The following ZFP64 variants were observed in gnomAD, a reference collection of about 807,000 sequenced individuals.
ZFP64 encodes the protein zinc finger protein 64.
Under a neutral mutation model 51.6 loss-of-function variants are expected in ZFP64, and 14 were observed. That is an observed-to-expected ratio of 0.27 (90% confidence interval 0.18 to 0.42). The LOEUF (loss-of-function observed/expected upper bound fraction) is 0.42. ZFP64 is among the 10% of genes least tolerant of loss of function. The pLI, the probability that ZFP64 is intolerant of heterozygous loss-of-function variation, is 1.00. For synonymous variants in ZFP64, 375 were observed against 361.4 expected, an observed-to-expected ratio of 1.04 and a Z score of -0.43; for missense variants, 754 against 906.8, an observed-to-expected ratio of 0.83 and a Z score of 2.16.
rs1024764036 is a variant in ZFP64 at position 52,142,956 on chromosome 20, T to C, written c.763+17167A>G. ...CCCCAACCTTCAGCAACCACAACCC[T>C]GATAAGTCAGCAGCCATCAGCATTG... On this transcript the variant is annotated intron_variant, in intron 5 of 8. Transcript: ENST00000361387. 1.4e-5 allele frequency among the ~76,000 whole-genome samples: 2 copies of C among 141,926 alleles called. 1 individual carries two copies. Among genetic ancestry groups the C allele is most frequent in the Admixed American group, 1.5e-4 (2 of 13,676 alleles). The allele number at this position is 141,926 out of a possible 152,430, so 93.1% of individuals were successfully genotyped here. A position where few individuals can be genotyped will look rare whatever the true frequency, so the allele number is the denominator to read the frequency against.
chr20:52,124,746 A>G lies in ZFP64; in HGVS notation c.764-26159T>C, dbSNP rs1223742651. ...CTCAGCCTCCCAAGTAGCTGGAACT[A>G]CAGGTACATCTGGCTAATTTTTGTA... On this transcript the variant is annotated intron_variant, in intron 5 of 8. Coordinates refer to the ZFP64 transcript ENST00000361387. Among the ~76,000 whole-genome samples the G allele has an allele frequency of 1.5e-4, 22 of 151,598 alleles. No homozygotes were observed. The Admixed American group carries it at 1.5e-3, about 10-fold the overall frequency.
At chr20:52,093,594 C>T (rs921630568) in intron 7 of ZFP64, among the ~76,000 whole-genome samples, 2 of 152,252 alleles carry the variant, frequency 1.3e-5, no homozygotes, top group African/African-American at 4.8e-5. Flanking sequence ...AGTAACAGTG[C>T]TGGAGACCCT....
At position 52,186,985 on chromosome 20, in the gene ZFP64, C is replaced by T; in HGVS notation, c.133G>A (p.Ala45Thr). The T allele has an allele frequency of 1.2e-6, 2 of 1,614,106 alleles. No individual in the cohort carries two copies. The highest frequency in any genetic ancestry group is 1.1e-5 in the South Asian group (1 of 91,080). Reference protein sequence around the residue: ...ICKQQFNNLDAFVAHKQSGCQ... With the variant: ...ICKQQFNNLDTFVAHKQSGCQ... ...CCACTTTGCTTGTGAGCTACAAAGGCATCCAGGTTGTTAAACTGCTGCTTG... is the reference window on the plus strand; with the variant it reads ...CCACTTTGCTTGTGAGCTACAAAGGTATCCAGGTTGTTAAACTGCTGCTTG... Residue 45 changes from alanine to threonine, a missense_variant, in exon 2 of 6, where the codon GCC (alanine) becomes ACC (threonine). This residue lies in a region of ZFP64 where 95 missense variants were observed against 97.7 expected (regional missense o/e 0.97). Transcript: ENST00000216923.
At chr20:52,156,270 A>G (rs1378973365) in intron 5 of ZFP64, among the ~76,000 whole-genome samples, 1 of 152,154 alleles carries the variant, frequency 6.6e-6, no homozygotes, top group Non-Finnish European at 1.5e-5. Flanking sequence ...GTAGTTAGGC[A>G]TGTTCTCCCG....
At chr20:52,117,396 A>G (rs1449195424) in intron 5 of ZFP64, among the ~76,000 whole-genome samples, 1 of 152,128 alleles carries the variant, frequency 6.6e-6, no homozygotes, top group East Asian at 1.9e-4. Context: ...AGGCGGGAAG[A>G]TCACCTGAGG....
At position 52,101,495 on chromosome 20, in the gene ZFP64, G is replaced by A. The variant is rs150245519; in HGVS notation, c.764-2908C>T. Among the ~76,000 whole-genome samples, 479 of 152,240 alleles carry A rather than the reference G, an allele frequency of 3.1e-3. 2 individuals are homozygous for A. Among genetic ancestry groups the A allele is most frequent in the African/African-American group, 0.011 (455 of 41,546 alleles). On this transcript the variant is annotated intron_variant, in intron 5 of 8. Coordinates refer to the ZFP64 transcript ENST00000361387. ...AGCCATCCTCCTACCTCAGCCTCCCGAATAGCTGGGACCACAGGCATGCAC... is the reference window on the plus strand; with the variant it reads ...AGCCATCCTCCTACCTCAGCCTCCCAAATAGCTGGGACCACAGGCATGCAC...
chr20:52,145,406 A>G (rs994010658), intron 5 of ZFP64, among the ~76,000 whole-genome samples: 3 of 152,146 alleles, frequency 2.0e-5, no homozygotes, highest in Non-Finnish European at 4.4e-5. Flanking sequence ...TAATCCCAGC[A>G]CTTTGGGAGG....
intron 7 of ZFP64, among the ~76,000 whole-genome samples, chr20:52,090,079 T>TC (rs2078906756): frequency 6.6e-6 from 1 of 152,144 alleles, no homozygotes; most frequent in African/African-American, 2.4e-5. Flanking sequence ...ACACGAAAGC[T>TC]CGTTCTAGAT....
At chr20:52,101,015 G>A (rs2079044396) in intron 5 of ZFP64, among the ~76,000 whole-genome samples, 1 of 152,082 alleles carries the variant, frequency 6.6e-6, no homozygotes, top group Admixed American at 6.5e-5. Context: ...ACCACCAAAG[G>A]ACACTCAGCA....
intron 5 of ZFP64, chr20:52,104,537 CCGTCTGCCCCCAT>C (rs1248278267): frequency 2.7e-6 from 1 of 363,826 alleles, no homozygotes; most frequent in Non-Finnish European, 5.4e-6. Flanking sequence ...CCGCCCCCCA[CCGTCTGCCCCCAT>C]CACCTCTCGG....
intron 2 of ZFP64, among the ~76,000 whole-genome samples, chr20:52,176,524 A>G (rs1983231392): frequency 8.4e-6 from 1 of 118,610 alleles, no homozygotes; most frequent in East Asian, 2.0e-4. Context: ...TTTTTTTGAG[A>G]CGGAGTCTCG....
chr20:52,086,615 C>T lies in ZFP64; in HGVS notation c.1229-1349G>A, dbSNP rs539912419. Among the ~76,000 whole-genome samples, 11 of 151,872 alleles carry T rather than the reference C, an allele frequency of 7.2e-5. No homozygotes were observed. The East Asian group carries it at 2.1e-3, about 29-fold the overall frequency. On this transcript the variant is annotated intron_variant, in intron 8 of 8. Coordinates refer to the ZFP64 transcript ENST00000361387. Reference sequence around the variant, plus strand: ...GCCTCAGCCTCCCGAGTAGCTGGGACTACAGGTGCCCGCCACCACGCCCAG... The same window carrying T: ...GCCTCAGCCTCCCGAGTAGCTGGGATTACAGGTGCCCGCCACCACGCCCAG...
At chr20:52,188,173 T>TTAC (rs1288180462) in intron 1 of ZFP64, among the ~76,000 whole-genome samples, 1 of 152,140 alleles carries the variant, frequency 6.6e-6, no homozygotes, top group Non-Finnish European at 1.5e-5. Flanking sequence ...GCTCTGCCCT[T>TTAC]TACTTCACTG....
intron 5 of ZFP64, among the ~76,000 whole-genome samples, chr20:52,126,519 C>T (rs34384430): frequency 0.022 from 3,353 of 152,298 alleles, 64 homozygotes; most frequent in Non-Finnish European, 0.036. Flanking sequence ...GCTTTCTACA[C>T]CAGACTAGGT....
chr20:52,181,763 G>A (rs1455850062), intron 2 of ZFP64, among the ~76,000 whole-genome samples: 2 of 152,192 alleles, frequency 1.3e-5, no homozygotes, highest in Admixed American at 6.5e-5. Context: ...GATTCAGGAG[G>A]TGGAGCCCGG....
At chr20:52,096,879 ACT>A in intron 7 of ZFP64, 1 of 350,726 alleles carries the variant, frequency 2.9e-6, no homozygotes, top group Non-Finnish European at 5.6e-6. Flanking sequence ...ACAGAGCAGG[ACT>A]CTGTCTCAGA....
At position 52,085,066 on chromosome 20, in the gene ZFP64, G is replaced by A. The variant is rs200497981; in HGVS notation, c.1429C>T (p.Arg477Trp). The change falls in exon 9 of 9, where the codon CGG becomes TGG. Residue 477 changes from arginine to tryptophan, a missense_variant. Transcript: ENST00000361387. This position sits in a 1 kb window ranked among gnomAD's most constrained non-coding sequence, Gnocchi z 4.3. ...TGCTCCAGGAGGTCAGCCCGGTCCCGGCCCTGGAAGGCACAGTGCAGACAT... is the reference window on the plus strand; with the variant it reads ...TGCTCCAGGAGGTCAGCCCGGTCCCAGCCCTGGAAGGCACAGTGCAGACAT... 6.8e-6 allele frequency: 11 copies of A among 1,614,098 alleles called. No homozygotes were observed. Among genetic ancestry groups the A allele is most frequent in the East Asian group, 2.2e-5 (1 of 44,898 alleles).
intron 5 of ZFP64, among the ~76,000 whole-genome samples, chr20:52,113,397 T>G (rs1437422436): frequency 6.7e-6 from 1 of 149,770 alleles, no homozygotes. Context: ...TATTGATCAT[T>G]ACCCTTGTAC....
At chr20:52,165,802 A>T (rs1235578053) in intron 3 of ZFP64, 62 bp downstream of exon 3, 1 of 1,603,132 alleles carries the variant, frequency 6.2e-7, no homozygotes, top group South Asian at 1.1e-5. Flanking sequence ...CATGAGGAGG[A>T]GCCCTGGAGC....
Sources: allele counts gnomAD v4.1 joint callset (sites outside exome capture counted in the v4.1 genomes callset), GRCh38; gene constraint gnomAD v4.1.1; regional missense constraint gnomAD v4.1.1; non-coding constraint Gnocchi (gnomAD v3.1); transcripts MANE v1.5; gene names NCBI Gene and HGNC (gene_info 2026-07-23, HGNC 2026-07-21).